Variants in RAB40C observed in about 807,000 individuals in gnomAD.
RAB40C encodes ras-related protein Rab-40C.
In RAB40C, 8 loss-of-function variants were observed where a neutral mutation model predicts 28.1. The ratio of observed to expected loss-of-function variants is 0.28; its 90% CI spans 0.17 to 0.51. RAB40C has a LOEUF of 0.51. RAB40C is among the 20% of genes least tolerant of loss of function. RAB40C has a pLI of 0.97. For missense variants in RAB40C, 288 were observed against 405.9 expected (o/e 0.71, Z 2.50); for synonymous variants, 201 against 171.7 (o/e 1.17, Z -1.34).
intron 3 of RAB40C, among the ~76,000 whole-genome samples, chr16:621,478 C>T (rs984294482): frequency 5.3e-5 from 8 of 152,264 alleles, no homozygotes; most frequent in Non-Finnish European, 1.5e-5. Flanking sequence ...CCAGCAAAGG[C>T]CACCGGCCAC....
At chr16:624,154 C>T (rs1180939917) in intron 3 of RAB40C, 6 of 985,464 alleles carry the variant, frequency 6.1e-6, no homozygotes, top group Non-Finnish European at 7.2e-6. Context: ...CTGTGACACA[C>T]ATCCTCAGTT....
In RAB40C at chr16:627,607, C is replaced by T. The variant is rs2036867782; in HGVS notation, c.831C>T (p.Asn277=). The change falls in exon 6 of 6, where the codon AAC becomes AAT. Residue 277 remains asparagine (N), a synonymous_variant. Coordinates refer to ENST00000248139, the MANE Select transcript of RAB40C (RefSeq NM_021168.5). ...QSPPQNCSRS[N]CKIS ...CCCCCCAGAACTGCTCGCGGAGTAA[C>T]TGCAAGATCTCCTAGCGGGGATGGG... is the stretch of plus-strand genomic sequence containing the variant. The T allele has an allele frequency of 1.3e-6, 2 of 1,589,542 alleles. No homozygotes were observed. The highest frequency in any genetic ancestry group is 1.1e-5 in the South Asian group (1 of 87,864).
rs1312398662 is a variant in RAB40C at position 628,218 on chromosome 16, G to C, written c.*596G>C. 1 of 152,372 alleles carries C rather than the reference G, an allele frequency of 6.6e-6. No individual in the cohort carries two copies. The highest frequency in any genetic ancestry group is 1.5e-5 in the Non-Finnish European group (1 of 68,168). 9.4% of individuals were successfully genotyped at this position (152,372 alleles called of 1,614,324 possible). A position where few individuals can be genotyped will look rare whatever the true frequency, so the allele number is the denominator to read the frequency against. On this transcript the variant is annotated 3_prime_UTR_variant, in exon 6 of 6. Coordinates refer to ENST00000248139, the MANE Select transcript of RAB40C (RefSeq NM_021168.5). The stretch of plus-strand genomic sequence containing the variant: ...GATGGAGGGTGTGGTCCTGTGGTCA[G>C]AGCCCAAGCAGCACTCAGGAGAGGG...
intron 1 of RAB40C, among the ~76,000 whole-genome samples, chr16:614,467 C>T (rs1408283377): frequency 7.0e-6 from 1 of 142,302 alleles, no homozygotes; most frequent in Admixed American, 7.1e-5. Context: ...TACCACATCC[C>T]GATGGTGAAC....
intron 1 of RAB40C, among the ~76,000 whole-genome samples, chr16:607,889 A>G (rs1567188386): frequency 6.6e-6 from 1 of 152,172 alleles, no homozygotes; most frequent in African/African-American, 2.4e-5. Flanking sequence ...CAAACGCCTC[A>G]GTGACATTTT....
chr16:625,525 G>A lies in RAB40C; in HGVS notation c.342+16G>A. On this transcript the variant is annotated intron_variant, in intron 4 of 5. Coordinates refer to ENST00000248139, the MANE Select transcript of RAB40C (RefSeq NM_021168.5). ...GATCGATGAGGTAGGCCTGGGTCCGGGGAGCCCTCCCGGGGAAGGCAGGCT... is the reference window on the plus strand; with the variant it reads ...GATCGATGAGGTAGGCCTGGGTCCGAGGAGCCCTCCCGGGGAAGGCAGGCT... 6.2e-7 allele frequency: 1 copy of A among 1,612,396 alleles called. No homozygotes were observed. Among genetic ancestry groups the A allele is most frequent in the Non-Finnish European group, 8.5e-7 (1 of 1,179,426 alleles).
intron 1 of RAB40C, among the ~76,000 whole-genome samples, chr16:611,622 C>G (rs1442072917): frequency 6.6e-6 from 1 of 151,136 alleles, no homozygotes; most frequent in Non-Finnish European, 1.5e-5. Flanking sequence ...CCTGTAGAAT[C>G]AAGAGCAGGG....
chr16:608,588 G>A (rs983478754), intron 1 of RAB40C, among the ~76,000 whole-genome samples: 5 of 152,172 alleles, frequency 3.3e-5, no homozygotes, highest in East Asian at 1.9e-4. Context: ...AATGAAACTC[G>A]GCTGGCCATG....
Position 627,350 on chromosome 16 carries a change from C to T in RAB40C, c.574C>T (p.Leu192=). The T allele has an allele frequency of 2.5e-6, 4 of 1,612,898 alleles. No homozygotes were observed. The highest frequency in any genetic ancestry group is 2.7e-5 in the African/African-American group (2 of 75,048). The change falls in exon 6 of 6, where the codon CTG becomes TTG. Residue 192 remains leucine (L), a synonymous_variant. Transcript: ENST00000248139. ...KIWRPNRVFS[L]QDLCCRAIVS... ...CCCCCTCTGCCCCACAGTGTTCAGCCTGCAGGACCTCTGCTGCCGGGCCAT... is the reference window on the plus strand; with the variant it reads ...CCCCCTCTGCCCCACAGTGTTCAGCTTGCAGGACCTCTGCTGCCGGGCCAT...
chr16:591,553 G>A (rs934764094), intron 1 of RAB40C, among the ~76,000 whole-genome samples: 1 of 152,064 alleles, frequency 6.6e-6, no homozygotes, highest in Admixed American at 6.5e-5. Context: ...TCTGTAATGA[G>A]TTACTGAACA....
rs941789392 is a variant in RAB40C, at chr16:627,798, G to A, written c.*176G>A. ...GGAGGAGCATGCACGGACCAAGCGC[G>A]GCAGGCGGGAGGAGGGGGCGCGGCT... On this transcript the variant is annotated 3_prime_UTR_variant, in exon 6 of 6. Coordinates refer to ENST00000248139, the MANE Select transcript of RAB40C (RefSeq NM_021168.5). 1.9e-4 allele frequency: 142 copies of A among 757,988 alleles called. No individual in the cohort carries two copies. The highest frequency in any genetic ancestry group is 1.1e-3 in the South Asian group (33 of 30,802). The allele number at this position is 757,988 out of a possible 1,614,324, so 47.0% of individuals were successfully genotyped here.
chr16:617,384 C>T (rs977732336), intron 2 of RAB40C, 116 bp downstream of exon 2: 2 of 1,184,022 alleles, frequency 1.7e-6, no homozygotes, highest in Middle Eastern at 1.9e-4. Context: ...GGAAGAGCCA[C>T]TTACACAGCC....
chr16:597,379 A>AT, intron 1 of RAB40C, among the ~76,000 whole-genome samples: 1 of 151,992 alleles, frequency 6.6e-6, no homozygotes. Flanking sequence ...ACTGGGAAGG[A>AT]TTCGAATCCT....
intron 4 of RAB40C, 105 bp from the exon 5 acceptor site, chr16:625,794 C>T (rs1050191387): frequency 1.9e-5 from 22 of 1,176,420 alleles, no homozygotes; most frequent in African/African-American, 3.0e-5. Context: ...TGACCTCCCA[C>T]GGCCCTCACC....
At position 590,305 on chromosome 16, in the gene RAB40C, G is replaced by T. The variant is rs2151054844; in HGVS notation, c.14G>T (p.Gly5Val). 1 of 1,559,126 alleles carries T rather than the reference G, an allele frequency of 6.4e-7. No homozygotes were observed. The highest frequency in any genetic ancestry group is 1.8e-5 in the Admixed American group (1 of 54,768). MGSQ[G>V]SPVKSYDYLL... ...GGCGGCGCGGCCATGGGCTCGCAGG[G>T]CAGTCCGGTGAAGAGCTACGACTAC... is the stretch of plus-strand genomic sequence containing the variant. The change falls in exon 1 of 6, where the codon GGC becomes GTC. Residue 5 changes from glycine to valine, a missense_variant. Gly to Val is a moderately radical substitution (Grantham distance 109). Transcript: ENST00000248139.
At chr16:609,735 G>A (rs1217173048) in intron 1 of RAB40C, among the ~76,000 whole-genome samples, 1 of 152,212 alleles carries the variant, frequency 6.6e-6, no homozygotes, top group African/African-American at 2.4e-5. Context: ...AAAAGCCATA[G>A]AAGGGCTAGA....
intron 1 of RAB40C, among the ~76,000 whole-genome samples, chr16:604,752 A>G (rs559837428): frequency 2.6e-5 from 4 of 152,354 alleles, no homozygotes; most frequent in South Asian, 2.1e-4. Context: ...ACTCGTTGCT[A>G]TAAACATATT....
chr16:609,777 G>A (rs568662151), intron 1 of RAB40C, among the ~76,000 whole-genome samples: 21 of 152,276 alleles, frequency 1.4e-4, no homozygotes, highest in African/African-American at 5.1e-4. Context: ...CCAGAAAATA[G>A]AACAAAAAGA....
chr16:616,272 A>G (rs1245203465), intron 1 of RAB40C, among the ~76,000 whole-genome samples: 1 of 151,222 alleles, frequency 6.6e-6, no homozygotes, highest in Non-Finnish European at 1.5e-5. Context: ...AAAAAAAAAT[A>G]CCAATGTGGC....
Sources: allele counts gnomAD v4.1 joint callset (sites outside exome capture counted in the v4.1 genomes callset), GRCh38; gene constraint gnomAD v4.1.1; transcripts MANE v1.5; gene names NCBI Gene and HGNC (gene_info 2026-07-23, HGNC 2026-07-21).